The following RBFOX1 variants were observed in gnomAD, a reference collection of about 807,000 sequenced individuals.
RBFOX1 encodes the protein RNA binding fox-1 homolog 1, also known as RNA binding protein fox-1 homolog 1.
RBFOX1 carries 8 observed loss-of-function variants against 57.7 expected under a neutral mutation model. That is an observed-to-expected ratio of 0.14 (90% CI 0.08 to 0.25). The LOEUF (loss-of-function observed/expected upper bound fraction) is 0.25, where lower values mean the gene tolerates loss of function less well. RBFOX1 is among the 10% of genes least tolerant of loss of function. RBFOX1 has a pLI of 1.00. For missense variants in RBFOX1, 611 were observed against 548.5 expected (o/e 1.11, Z -1.14); for synonymous variants, 326 against 222.4 (o/e 1.47, Z -4.15).
At chr16:6,211,932 C>G (rs1598405648) in intron 1 of RBFOX1, among the ~76,000 whole-genome samples, 1 of 151,964 alleles carries the variant, frequency 6.6e-6, no homozygotes, top group South Asian at 2.1e-4. Context: ...TCACTGCAAC[C>G]TCTGCCTCCC....
intron 3 of RBFOX1, among the ~76,000 whole-genome samples, chr16:6,699,062 C>G (rs917453641): frequency 6.6e-5 from 10 of 152,260 alleles, no homozygotes; most frequent in African/African-American, 2.4e-4. Context: ...CTTAGGGATT[C>G]AAGTAGGCAG....
intron 6 of RBFOX1, among the ~76,000 whole-genome samples, chr16:7,581,177 C>G (rs2093730382): frequency 6.6e-6 from 1 of 152,204 alleles, no homozygotes; most frequent in African/African-American, 2.4e-5. Flanking sequence ...TGAATGCTGA[C>G]ATTTCAGAGG....
intron 5 of RBFOX1, among the ~76,000 whole-genome samples, chr16:7,538,536 A>G (rs371759973): frequency 5.3e-5 from 8 of 152,222 alleles, no homozygotes; most frequent in African/African-American, 1.9e-4. Context: ...AGATTGAGGA[A>G]CAGATAAAAA....
At chr16:7,366,568 G>A (rs894447157) in intron 4 of RBFOX1, among the ~76,000 whole-genome samples, 18 of 152,196 alleles carry the variant, frequency 1.2e-4, no homozygotes, top group Admixed American at 8.5e-4. Flanking sequence ...TGCCTTAGTC[G>A]GCTTGTGTCC....
rs78203878 is a variant in RBFOX1, at chr16:7,531,355, G to A, written c.270+12966G>A. Among the ~76,000 whole-genome samples, 10 of 152,194 alleles carry A rather than the reference G, an allele frequency of 6.6e-5. No homozygotes were observed. The East Asian group carries it at 1.9e-3, about 30-fold the overall frequency. Reference sequence around the variant, plus strand: ...CACTAGCATTTAGTGAGCTCATACTGGGTACCCAGTGGAAATGGTACTACC... The same window carrying A: ...CACTAGCATTTAGTGAGCTCATACTAGGTACCCAGTGGAAATGGTACTACC... On this transcript the variant is annotated intron_variant, in intron 5 of 15. Coordinates refer to ENST00000550418, the MANE Select transcript of RBFOX1 (RefSeq NM_018723.4).
At chr16:6,803,211 A>G (rs1314082093) in intron 3 of RBFOX1, among the ~76,000 whole-genome samples, 1 of 152,230 alleles carries the variant, frequency 6.6e-6, no homozygotes, top group Non-Finnish European at 1.5e-5. Context: ...GAAAATGTTC[A>G]CTTGACCCTC....
intron 4 of RBFOX1, among the ~76,000 whole-genome samples, chr16:7,059,552 A>T (rs989836992): frequency 1.3e-5 from 2 of 152,194 alleles, no homozygotes; most frequent in African/African-American, 4.8e-5. Context: ...ATTGGCAAAA[A>T]ATGTTCAATG....
chr16:7,340,793 C>A (rs2096876628), intron 4 of RBFOX1, among the ~76,000 whole-genome samples: 1 of 152,194 alleles, frequency 6.6e-6, no homozygotes, highest in African/African-American at 2.4e-5. Context: ...TATAAATTCA[C>A]TTTTTTAAAT....
At chr16:7,304,406 G>C in intron 4 of RBFOX1, 1 of 985,390 alleles carries the variant, frequency 1.0e-6, no homozygotes. Context: ...CCTCTGACGG[G>C]GGCCACCTGC....
chr16:7,692,565 T>G (rs564933200), intron 14 of RBFOX1, among the ~76,000 whole-genome samples: 20 of 152,290 alleles, frequency 1.3e-4, no homozygotes, highest in Non-Finnish European at 1.8e-4. Context: ...CTAGCCAACC[T>G]CATTGTGCCA....
intron 3 of RBFOX1, among the ~76,000 whole-genome samples, chr16:6,966,830 T>G (rs565198015): frequency 2.6e-3 from 356 of 137,816 alleles, no homozygotes; most frequent in African/African-American, 9.9e-3. Context: ...TATCTATCTG[T>G]CTATCTATCT....
chr16:5,974,287 C>G (rs2060018808), intron 4 of RBFOX1, among the ~76,000 whole-genome samples: 1 of 152,112 alleles, frequency 6.6e-6, no homozygotes, highest in Admixed American at 6.6e-5. Flanking sequence ...AGCCTTATTT[C>G]TCATCAAAGA....
At chr16:7,452,306 T>C (rs561206620) in intron 4 of RBFOX1, among the ~76,000 whole-genome samples, 3 of 152,314 alleles carry the variant, frequency 2.0e-5, no homozygotes, top group South Asian at 2.1e-4. Flanking sequence ...AAATACATCA[T>C]TGGAGAATGA....
intron 1 of RBFOX1, among the ~76,000 whole-genome samples, chr16:5,369,312 TA>T (rs775063565): frequency 4.8e-4 from 73 of 152,342 alleles, no homozygotes; most frequent in Non-Finnish European, 7.8e-4. Context: ...CATAGTTTTT[TA>T]AAATGTAAAA....
chr16:6,032,362 C>A (rs1405300695), intron 1 of RBFOX1, among the ~76,000 whole-genome samples: 2 of 116,084 alleles, frequency 1.7e-5, no homozygotes, highest in Non-Finnish European at 3.5e-5. Context: ...TTGCCTCTAA[C>A]CCAACTCTTC....
At chr16:7,206,447 C>G (rs567072310) in intron 4 of RBFOX1, among the ~76,000 whole-genome samples, 1 of 147,972 alleles carries the variant, frequency 6.8e-6, no homozygotes, top group Non-Finnish European at 1.5e-5. Context: ...ATTATATTTC[C>G]TTATTAATAT....
intron 2 of RBFOX1, among the ~76,000 whole-genome samples, chr16:5,484,558 G>C (rs2151651789): frequency 6.6e-6 from 1 of 152,118 alleles, no homozygotes; most frequent in Non-Finnish European, 1.5e-5. Context: ...CAGGAAGACT[G>C]CTTGAGGCCA....
At chr16:7,184,316 C>G (rs1216977098) in intron 4 of RBFOX1, among the ~76,000 whole-genome samples, 2 of 152,126 alleles carry the variant, frequency 1.3e-5, no homozygotes, top group Non-Finnish European at 2.9e-5. Flanking sequence ...AGACATCATC[C>G]AAATGACAGT....
chr16:7,641,536 C>G (rs531690195), intron 11 of RBFOX1, among the ~76,000 whole-genome samples: 2 of 152,294 alleles, frequency 1.3e-5, no homozygotes, highest in East Asian at 3.9e-4. Context: ...AACATAGGCT[C>G]TTGATGCCTA....
Sources: allele counts gnomAD v4.1 joint callset (sites outside exome capture counted in the v4.1 genomes callset), GRCh38; gene constraint gnomAD v4.1.1; transcripts MANE v1.5; gene names NCBI Gene and HGNC (gene_info 2026-07-23, HGNC 2026-07-21).